KPNA7: variants seen among roughly 807,000 people sequenced by gnomAD.
The protein encoded by KPNA7 is importin subunit alpha-8.
In KPNA7, 54 loss-of-function variants were observed where a neutral mutation model predicts 53.7. The ratio of observed to expected loss-of-function variants is 1.01; its 90% confidence interval spans 0.81 to 1.26. The LOEUF is 1.26. KPNA7 is among the 50% of genes most tolerant of loss of function. KPNA7 has a pLI of 0.00. For missense variants in KPNA7, 640 were observed against 644.5 expected (o/e 0.99, Z 0.07); for synonymous variants, 276 against 259.3 (o/e 1.06, Z -0.62).
intron 8 of KPNA7, among the ~76,000 whole-genome samples, chr7:99,182,995 C>T (rs768069413): frequency 1.2e-4 from 18 of 152,104 alleles, no homozygotes; most frequent in Non-Finnish European, 2.1e-4. Flanking sequence ...GTGGCTCACA[C>T]CTGCAATCCC....
chr7:99,202,853 A>G (rs765059303), intron 3 of KPNA7, among the ~76,000 whole-genome samples: 1 of 151,444 alleles, frequency 6.6e-6, no homozygotes, highest in African/African-American at 2.4e-5. Flanking sequence ...TCAAAAAATA[A>G]AAATAAAAAG....
At chr7:99,164,589 T>A in the KPNA7 span, among the ~76,000 whole-genome samples, 29,903 of 151,644 alleles carry the variant, frequency 0.2, 3,091 homozygotes, top group South Asian at 0.33. Context: ...CATATGTAAC[T>A]AACCTGCACA....
intron 4 of KPNA7, 72 bp downstream of exon 4, chr7:99,196,012 C>T (rs1029722012): frequency 1.7e-5 from 22 of 1,269,146 alleles, no homozygotes; most frequent in African/African-American, 8.9e-5. Flanking sequence ...AATAGGCCAC[C>T]GGCGCTCCAG....
chr7:99,190,122 A>AG (rs1425971397), intron 6 of KPNA7, among the ~76,000 whole-genome samples: 1 of 151,942 alleles, frequency 6.6e-6, no homozygotes, highest in Non-Finnish European at 1.5e-5. Flanking sequence ...GTGGATCATG[A>AG]GGTCAGGGGT....
chr7:99,188,920 G>C (rs1789783834), intron 6 of KPNA7, among the ~76,000 whole-genome samples: 2 of 152,138 alleles, frequency 1.3e-5, no homozygotes, highest in Admixed American at 1.3e-4. Context: ...GGCCTCAAGT[G>C]ATCTGCCGGC....
chr7:99,205,417 A>G (rs1224717301), intron 2 of KPNA7, among the ~76,000 whole-genome samples: 1 of 26,144 alleles, frequency 3.8e-5, no homozygotes, highest in Non-Finnish European at 2.2e-4. Flanking sequence ...TCTCAAAAAA[A>G]AAAAAAAAAA....
chr7:99,157,153 C>T, the KPNA7 span, among the ~76,000 whole-genome samples: 19 of 152,116 alleles, frequency 1.2e-4, no homozygotes, highest in Non-Finnish European at 2.2e-4. Flanking sequence ...TAATTCCCCC[C>T]GATTCTGACT....
At chr7:99,211,335 T>G (rs1791066161), upstream of KPNA7, among the ~76,000 whole-genome samples, 1 of 152,136 alleles carries the variant, frequency 6.6e-6, no homozygotes, top group Non-Finnish European at 1.5e-5. Flanking sequence ...GGCAGGAGAA[T>G]CGCTTGAATC....
At chr7:99,151,452 T>G in the KPNA7 span, among the ~76,000 whole-genome samples, 22,018 of 108,728 alleles carry the variant, frequency 0.2, 1,802 homozygotes, top group East Asian at 0.42. Flanking sequence ...TGTTTGTTTG[T>G]TTTTGGTTTT....
chr7:99,175,160 T>A (rs1798851854), intron 10 of KPNA7, among the ~76,000 whole-genome samples: 2 of 152,136 alleles, frequency 1.3e-5, no homozygotes, highest in Middle Eastern at 3.2e-3. Context: ...ACCTGGAAAA[T>A]GCTTATCACC....
At chr7:99,151,577 A>G in the KPNA7 span, among the ~76,000 whole-genome samples, 38 of 151,338 alleles carry the variant, frequency 2.5e-4, no homozygotes, top group African/African-American at 8.7e-4. Context: ...CAGGCTCCCA[A>G]TCCTGAGATC....
chr7:99,170,366 T>A (rs1170503857), downstream of KPNA7, among the ~76,000 whole-genome samples: 3 of 150,730 alleles, frequency 2.0e-5, no homozygotes, highest in East Asian at 5.8e-4. Flanking sequence ...ACTGCAGAAA[T>A]GAAAAGCCTG....
chr7:99,155,332 C>T, the KPNA7 span, among the ~76,000 whole-genome samples: 2 of 152,194 alleles, frequency 1.3e-5, no homozygotes, highest in Admixed American at 1.3e-4. Context: ...TCCTTCTCAG[C>T]TGAACACTGA....
intron 8 of KPNA7, among the ~76,000 whole-genome samples, chr7:99,184,198 A>G (rs1789449562): frequency 6.9e-6 from 1 of 144,334 alleles, no homozygotes; most frequent in Non-Finnish European, 1.5e-5. Context: ...TGTGTCACAG[A>G]GGCTACAGTG....
intron 2 of KPNA7, among the ~76,000 whole-genome samples, chr7:99,205,198 G>A (rs1270422926): frequency 2.0e-5 from 3 of 148,518 alleles, no homozygotes; most frequent in Non-Finnish European, 4.5e-5. Context: ...CCGAGGCAGG[G>A]GGATCATGAG....
At chr7:99,188,714 G>C (rs977169926) in intron 6 of KPNA7, among the ~76,000 whole-genome samples, 151 bp from the exon 7 acceptor site, 1 of 152,168 alleles carries the variant, frequency 6.6e-6, no homozygotes, top group Non-Finnish European at 1.5e-5. Context: ...GCCTTGCTCT[G>C]TCACCCAGGC....
chr7:99,160,933 G>A, the KPNA7 span, among the ~76,000 whole-genome samples: 1 of 151,552 alleles, frequency 6.6e-6, no homozygotes, highest in African/African-American at 2.4e-5. Flanking sequence ...GTCACATGAT[G>A]TCAGCTCACT....
chr7:99,203,194 GC>G lies in KPNA7; in HGVS notation c.112del (p.Ala38ProfsTer8). On this transcript the variant is annotated frameshift_variant, in exon 3 of 11. Coordinates refer to ENST00000327442, the MANE Select transcript of KPNA7 (RefSeq NM_001145715.3). LOFTEE classifies it high-confidence loss of function. ...CTTTAAGGTCTGTTCATCTTTCTTGGCCTTTCGGAGCTCCAGACTGACCGCC... is the reference window on the plus strand; with the variant it reads ...CTTTAAGGTCTGTTCATCTTTCTTGGCTTTCGGAGCTCCAGACTGACCGCC... ...RMAVSLELRK[A>X]KKDEQTLKRR... 1 of 1,551,626 alleles carries G rather than the reference GC, an allele frequency of 6.4e-7. No homozygotes were observed. The highest frequency in any genetic ancestry group is 8.7e-7 in the Non-Finnish European group (1 of 1,146,942).
Position 99,186,615 on chromosome 7 carries a change from C to T in KPNA7, c.901-1453G>A, listed in dbSNP as rs919414601. Among the ~76,000 whole-genome samples, 8 of 152,068 alleles carry T rather than the reference C, an allele frequency of 5.3e-5. No homozygotes were observed. In the East Asian group the frequency reaches 7.8e-4, roughly 15 times the overall value. ...AAAATTAGCTGGGTGTGGTGGTGCACACCTGTAGTCCCAGCTACTTGGGAG... is the reference window on the plus strand; with the variant it reads ...AAAATTAGCTGGGTGTGGTGGTGCATACCTGTAGTCCCAGCTACTTGGGAG... On this transcript the variant is annotated intron_variant, in intron 7 of 10. Transcript: ENST00000327442.
Sources: gnomAD v4.1 joint callset for allele counts (sites outside exome capture counted in the v4.1 genomes callset) on GRCh38, gnomAD v4.1.1 for gene constraint, MANE v1.5 for transcripts, NCBI Gene and HGNC (gene_info 2026-07-23, HGNC 2026-07-21) for gene names.